Variants in IQGAP2 observed in about 807,000 individuals in gnomAD.
IQGAP2 encodes IQ motif containing GTPase activating protein 2.
In IQGAP2, 173 loss-of-function variants were observed where a neutral mutation model predicts 201.3. The ratio of observed to expected loss-of-function variants is 0.86; its 90% CI spans 0.76 to 0.98. The LOEUF is 0.98. Among genes scored for constraint, IQGAP2 ranks in the 50% least tolerant of loss-of-function variants. IQGAP2 has a pLI of 0.00. For synonymous variants in IQGAP2, 675 were observed against 673.9 expected (o/e 1.00, Z -0.03); for missense variants, 1,687 against 1,864.8 (o/e 0.90, Z 1.76).
intron 11 of IQGAP2, among the ~76,000 whole-genome samples, chr5:76,604,516 TA>T (rs1747665057): frequency 6.6e-6 from 1 of 151,978 alleles, no homozygotes; most frequent in Non-Finnish European, 1.5e-5. Flanking sequence ...GTGTTACTTT[TA>T]AAATCTTTTC....
chr5:76,563,941 G>T (rs1166473078), intron 3 of IQGAP2, among the ~76,000 whole-genome samples: 9 of 152,104 alleles, frequency 5.9e-5, no homozygotes, highest in Non-Finnish European at 1.3e-4. Context: ...AATCTTCAAG[G>T]TTAACAGTAG....
intron 2 of IQGAP2, among the ~76,000 whole-genome samples, chr5:76,536,433 A>T (rs1420906004): frequency 6.6e-6 from 1 of 151,804 alleles, no homozygotes; most frequent in African/African-American, 2.4e-5. Flanking sequence ...CTTCCTGTTA[A>T]ATTGTGTGCT....
chr5:76,652,690 T>C (rs975367218), intron 17 of IQGAP2, 60 bp from the exon 18 acceptor site: 2 of 1,205,170 alleles, frequency 1.7e-6, no homozygotes, highest in Non-Finnish European at 2.5e-6. Flanking sequence ...GCTCTTGCAC[T>C]TCCTAGATAA....
intron 2 of IQGAP2, among the ~76,000 whole-genome samples, chr5:76,558,066 A>G (rs1025037359): frequency 5.3e-5 from 8 of 152,090 alleles, no homozygotes; most frequent in African/African-American, 1.9e-4. Flanking sequence ...GCGCCTCCCA[A>G]AGCGTTGGGA....
chr5:76,471,071 C>T (rs1755068825), intron 2 of IQGAP2, among the ~76,000 whole-genome samples: 1 of 152,012 alleles, frequency 6.6e-6, no homozygotes, highest in Non-Finnish European at 1.5e-5. Flanking sequence ...GTTTTTAGGA[C>T]AACTATGCAA....
chr5:76,608,021 T>G (rs1747949261), intron 12 of IQGAP2: 1 of 152,238 alleles, frequency 6.6e-6, no homozygotes, highest in South Asian at 2.1e-4. Flanking sequence ...TGACATTGAT[T>G]AACAGGGGGA....
chr5:76,648,883 A>G (rs1752295774), intron 17 of IQGAP2, among the ~76,000 whole-genome samples: 1 of 152,258 alleles, frequency 6.6e-6, no homozygotes, highest in African/African-American at 2.4e-5. Flanking sequence ...AGACTGAAAG[A>G]AATAAAGAAC....
At chr5:76,535,575 C>T (rs966204884) in intron 2 of IQGAP2, among the ~76,000 whole-genome samples, 2 of 152,282 alleles carry the variant, frequency 1.3e-5, no homozygotes, top group Admixed American at 6.5e-5. Context: ...GATTGCTATG[C>T]GGCACGCCCT....
At chr5:76,445,860 AC>A (rs1156319385) in intron 1 of IQGAP2, among the ~76,000 whole-genome samples, 1 of 151,090 alleles carries the variant, frequency 6.6e-6, no homozygotes, top group African/African-American at 2.4e-5. Context: ...CTCCCCAACA[AC>A]CCCCAGCAAC....
In IQGAP2 at chr5:76,533,960, G is replaced by A. The variant is rs116652414; in HGVS notation, c.147-28436G>A. ...AGCTTGGCCTTGTCTTTTAACTTTG[G>A]GAAATTGGACTACATCAAAGGCACG... On this transcript the variant is annotated intron_variant, in intron 2 of 35. Coordinates refer to ENST00000274364, the MANE Select transcript of IQGAP2 (RefSeq NM_006633.5). Among the ~76,000 whole-genome samples, 633 of 152,200 alleles carry A rather than the reference G, an allele frequency of 4.2e-3. 7 individuals carry two copies. Among genetic ancestry groups the A allele is most frequent in the African/African-American group, 0.014 (582 of 41,512 alleles).
rs566505116 is a variant in IQGAP2, at chr5:76,689,230, T to TTAAAA, written c.3906-4125_3906-4124insTAAAA. 5.4e-3 allele frequency among the ~76,000 whole-genome samples: 471 copies of TTAAAA among 86,488 alleles called. 6 individuals are homozygous for TTAAAA. The highest frequency in any genetic ancestry group is 0.018 in the African/African-American group (376 of 21,134). The allele number at this position is 86,488 out of a possible 152,430, so 56.7% of individuals were successfully genotyped here. A position where few individuals can be genotyped will look rare whatever the true frequency, so the allele number is the denominator to read the frequency against. The stretch of plus-strand genomic sequence containing the variant: ...TAATACTACCAAGCACAGGGATATT[T>TTAAAA]AAAAAAAAAAAAAAAAAAAAAAAAA... On this transcript the variant is annotated intron_variant, in intron 30 of 35. Transcript: ENST00000274364.
intron 20 of IQGAP2, 83 bp from the exon 21 acceptor site, chr5:76,658,376 A>T: frequency 8.9e-7 from 1 of 1,121,088 alleles, no homozygotes; most frequent in Non-Finnish European, 1.3e-6. Context: ...TTTTTCTAGT[A>T]ATTATTTAAG....
chr5:76,436,430 A>G (rs1209990018), intron 1 of IQGAP2, among the ~76,000 whole-genome samples: 2 of 136,524 alleles, frequency 1.5e-5, no homozygotes, highest in African/African-American at 5.5e-5. Flanking sequence ...ATCATAAAAG[A>G]ATGCTAGGTT....
chr5:76,566,039 G>A (rs1461891976), intron 3 of IQGAP2, among the ~76,000 whole-genome samples: 1 of 152,164 alleles, frequency 6.6e-6, no homozygotes, highest in Non-Finnish European at 1.5e-5. Context: ...CAATACAGTT[G>A]TAGGGAAGGA....
chr5:76,555,564 T>G (rs1163753104), intron 2 of IQGAP2, among the ~76,000 whole-genome samples: 1 of 152,178 alleles, frequency 6.6e-6, no homozygotes, highest in Non-Finnish European at 1.5e-5. Context: ...TGTGGCCAGG[T>G]ACCACTCACT....
At chr5:76,619,642 C>T (rs992820227) in intron 13 of IQGAP2, among the ~76,000 whole-genome samples, 2 of 151,564 alleles carry the variant, frequency 1.3e-5, no homozygotes, top group Admixed American at 6.6e-5. Context: ...TCAGCCTCCC[C>T]AGTAGCTGGG....
At chr5:76,513,583 A>G (rs1036625872) in intron 2 of IQGAP2, among the ~76,000 whole-genome samples, 7 of 152,352 alleles carry the variant, frequency 4.6e-5, no homozygotes, top group African/African-American at 1.7e-4. Context: ...AGTGGAAGCT[A>G]TTGGGCCATC....
intron 17 of IQGAP2, among the ~76,000 whole-genome samples, chr5:76,645,706 CT>C (rs1260755368): frequency 8.6e-5 from 13 of 151,894 alleles, no homozygotes; most frequent in Admixed American, 8.5e-4. Context: ...GCCAAGCTGC[CT>C]TTGTTTGGAA....
intron 13 of IQGAP2, among the ~76,000 whole-genome samples, chr5:76,619,514 CTTTTTTT>C (rs773323091): frequency 1.9e-5 from 2 of 104,266 alleles, no homozygotes; most frequent in African/African-American, 8.0e-5. Context: ...TAAGGATCTT[CTTTTTTT>C]TTTTTTTTTT....
Sources: allele counts gnomAD v4.1 joint callset (sites outside exome capture counted in the v4.1 genomes callset), GRCh38; gene constraint gnomAD v4.1.1; transcripts MANE v1.5; gene names NCBI Gene and HGNC (gene_info 2026-07-23, HGNC 2026-07-21).